Variants in ATP10B observed in about 807,000 individuals in gnomAD.
ATP10B encodes ATPase phospholipid transporting 10B (putative).
A neutral mutation model predicts 141.2 loss-of-function variants in ATP10B; 122 were observed. That is an observed-to-expected ratio of 0.86 (90% confidence interval 0.75 to 1.00). The LOEUF is 1.00. Among genes scored for constraint, ATP10B ranks in the 50% least tolerant of loss-of-function variants. The pLI is 0.00. For synonymous variants in ATP10B, 685 were observed against 692.0 expected (o/e 0.99, Z 0.16); for missense variants, 1,876 against 1,825.3 (o/e 1.03, Z -0.51).
At chr5:160,925,505 T>C in the ATP10B span, among the ~76,000 whole-genome samples, 1 of 152,222 alleles carries the variant, frequency 6.6e-6, no homozygotes, top group Non-Finnish European at 1.5e-5. Context: ...CTGTAAGCCA[T>C]GATCCAACCC....
intron 2 of ATP10B, among the ~76,000 whole-genome samples, chr5:160,777,568 C>G (rs1439693520): frequency 6.6e-6 from 1 of 152,158 alleles, no homozygotes; most frequent in Non-Finnish European, 1.5e-5. Flanking sequence ...ATTATTGAAG[C>G]AAAGTGAGAA....
At chr5:160,878,203 G>C in the ATP10B span, among the ~76,000 whole-genome samples, 1 of 150,972 alleles carries the variant, frequency 6.6e-6, no homozygotes, top group South Asian at 2.1e-4. Flanking sequence ...CAATGGAACA[G>C]AACAGAGCCC....
intron 6 of ATP10B, among the ~76,000 whole-genome samples, chr5:160,678,605 C>T (rs772620014): frequency 5.3e-5 from 8 of 152,202 alleles, no homozygotes; most frequent in Non-Finnish European, 1.0e-4. Context: ...TGCAGTGAGT[C>T]AAGACTGCGC....
chr5:160,755,541 C>A (rs1031510265), intron 2 of ATP10B, among the ~76,000 whole-genome samples: 1 of 150,850 alleles, frequency 6.6e-6, no homozygotes, highest in East Asian at 1.9e-4. Flanking sequence ...ATAGTCCGGG[C>A]GCGGTGGCTC....
At chr5:160,892,099 A>G in the ATP10B span, among the ~76,000 whole-genome samples, 3 of 152,238 alleles carry the variant, frequency 2.0e-5, no homozygotes, top group Middle Eastern at 6.8e-3. Flanking sequence ...TTTTTCTTTT[A>G]TATGTTCTTT....
At chr5:160,864,814 T>C in the ATP10B span, among the ~76,000 whole-genome samples, 3 of 151,902 alleles carry the variant, frequency 2.0e-5, no homozygotes, top group Non-Finnish European at 2.9e-5. Flanking sequence ...CAATCCCTTT[T>C]ACAACAGCTG....
chr5:160,889,959 CCT>C, the ATP10B span, among the ~76,000 whole-genome samples: 1 of 152,110 alleles, frequency 6.6e-6, no homozygotes, highest in African/African-American at 2.4e-5. Flanking sequence ...AATCTTGATC[CCT>C]CTCCTCCTCC....
the ATP10B span, among the ~76,000 whole-genome samples, chr5:160,922,774 T>A: frequency 2.6e-5 from 4 of 152,218 alleles, no homozygotes; most frequent in African/African-American, 9.6e-5. Flanking sequence ...CTCTGGGTGC[T>A]GGGGACAGTG....
chr5:160,686,307 T>C (rs755055408), intron 5 of ATP10B, 34 bp from the exon 6 acceptor site: 16 of 1,458,466 alleles, frequency 1.1e-5, no homozygotes, highest in Non-Finnish European at 1.5e-5. Flanking sequence ...ATAAACACTA[T>C]GGAGAAGAAA....
chr5:160,650,882 T>C (rs1274374435), intron 7 of ATP10B, among the ~76,000 whole-genome samples: 1 of 152,200 alleles, frequency 6.6e-6, no homozygotes, highest in Admixed American at 6.5e-5. Flanking sequence ...CATCTTGTTA[T>C]TGGGCCACGA....
chr5:160,914,733 C>A, the ATP10B span, among the ~76,000 whole-genome samples: 2 of 152,098 alleles, frequency 1.3e-5, no homozygotes, highest in Non-Finnish European at 2.9e-5. Flanking sequence ...TAACTACGCA[C>A]CTGTTCAGGG....
intron 2 of ATP10B, among the ~76,000 whole-genome samples, chr5:160,767,058 A>G (rs1317839364): frequency 6.6e-6 from 1 of 152,224 alleles, no homozygotes; most frequent in African/African-American, 2.4e-5. Flanking sequence ...ATGGAAAAAA[A>G]AAAGGAATTG....
chr5:160,794,490 G>T (rs1027520387), intron 1 of ATP10B, among the ~76,000 whole-genome samples: 1 of 152,182 alleles, frequency 6.6e-6, no homozygotes, highest in Non-Finnish European at 1.5e-5. Context: ...TAGGGATTTA[G>T]AATTTAGAAA....
chr5:160,618,574 C>A (rs566260268), intron 15 of ATP10B, among the ~76,000 whole-genome samples: 35 of 152,308 alleles, frequency 2.3e-4, no homozygotes, highest in African/African-American at 8.2e-4. Flanking sequence ...AGAAAACATT[C>A]TTTTATGCAT....
At chr5:160,581,778 G>T (rs1266204196) in intron 24 of ATP10B, among the ~76,000 whole-genome samples, 2 of 152,178 alleles carry the variant, frequency 1.3e-5, no homozygotes, top group Non-Finnish European at 2.9e-5. Flanking sequence ...TATTGTATGG[G>T]AGTCTAAGTC....
At chr5:160,842,577 C>T (rs1775874055) in intron 1 of ATP10B, among the ~76,000 whole-genome samples, 1 of 151,656 alleles carries the variant, frequency 6.6e-6, no homozygotes, top group South Asian at 2.1e-4. Flanking sequence ...AACCAATAAC[C>T]AAAGGAATGA....
chr5:160,906,981 T>A, the ATP10B span, among the ~76,000 whole-genome samples: 1 of 152,092 alleles, frequency 6.6e-6, no homozygotes, highest in Non-Finnish European at 1.5e-5. Context: ...TGAATGGGTA[T>A]TTGTTATTTG....
At position 160,565,333 on chromosome 5, in the gene ATP10B, T is replaced by C. The variant is rs113996045; in HGVS notation, c.*120A>G. On this transcript the variant is annotated 3_prime_UTR_variant, in exon 26 of 26. Coordinates refer to ENST00000327245, the MANE Select transcript of ATP10B (RefSeq NM_025153.3). Reference sequence around the variant, plus strand: ...AGCACTTCCTCCATGGAAGTCAAGGTTGTTGAAGAAAAGAATAAGACTGGC... The same window carrying C: ...AGCACTTCCTCCATGGAAGTCAAGGCTGTTGAAGAAAAGAATAAGACTGGC... 4,009 of 1,053,616 alleles carry C rather than the reference T, an allele frequency of 3.8e-3. 7 individuals are homozygous for C. Among genetic ancestry groups the C allele is most frequent in the Non-Finnish European group, 5.1e-3 (3,630 of 718,656 alleles). 65.3% of individuals were successfully genotyped at this position (1,053,616 alleles called of 1,614,324 possible).
At chr5:160,708,889 CTG>C (rs1475212160) in intron 3 of ATP10B, among the ~76,000 whole-genome samples, 1 of 152,126 alleles carries the variant, frequency 6.6e-6, no homozygotes, top group East Asian at 1.9e-4. Context: ...CCCTTAGAGA[CTG>C]AGATTCAGAC....
Sources: allele counts gnomAD v4.1 joint callset (sites outside exome capture counted in the v4.1 genomes callset), GRCh38; gene constraint gnomAD v4.1.1; transcripts MANE v1.5; gene names NCBI Gene and HGNC (gene_info 2026-07-23, HGNC 2026-07-21).